Variants in SLC24A2 observed in about 807,000 individuals in gnomAD.
SLC24A2 encodes sodium/potassium/calcium exchanger 2.
SLC24A2 carries 36 observed loss-of-function variants against 62.0 expected under a neutral mutation model. That is an observed-to-expected ratio of 0.58 (90% confidence interval 0.44 to 0.77). SLC24A2 has a LOEUF of 0.77. SLC24A2 is among the 30% of genes least tolerant of loss of function. The probability of loss-of-function intolerance (pLI) is 0.00; values close to 1 mark genes in which losing one functional copy is unlikely to be tolerated. For missense variants in SLC24A2, 846 were observed against 817.9 expected (o/e 1.03, Z -0.42); for synonymous variants, 358 against 294.0 (o/e 1.22, Z -2.23).
intron 8 of SLC24A2, among the ~76,000 whole-genome samples, chr9:19,546,253 A>T (rs1428630692): frequency 1.3e-5 from 2 of 152,344 alleles, no homozygotes. Context: ...CAGAGCCAGT[A>T]GGCAGGGACG....
chr9:19,697,088 C>T (rs1025553149), intron 2 of SLC24A2, among the ~76,000 whole-genome samples: 7 of 151,822 alleles, frequency 4.6e-5, no homozygotes, highest in African/African-American at 1.7e-4. Context: ...AGTTATGATC[C>T]ACAATAACAA....
At chr9:19,923,042 A>C in the SLC24A2 span, among the ~76,000 whole-genome samples, 2 of 151,030 alleles carry the variant, frequency 1.3e-5, no homozygotes, top group Non-Finnish European at 3.0e-5. Context: ...CAGTTTTTTA[A>C]AAAAAATGTT....
the SLC24A2 span, among the ~76,000 whole-genome samples, chr9:19,962,712 A>T: frequency 6.6e-6 from 1 of 152,120 alleles, no homozygotes; most frequent in Admixed American, 6.5e-5. Flanking sequence ...TTGATTTTGA[A>T]CCTGAGACTT....
intron 2 of SLC24A2, among the ~76,000 whole-genome samples, chr9:19,726,360 T>C (rs1381808784): frequency 6.6e-6 from 1 of 152,238 alleles, no homozygotes; most frequent in African/African-American, 2.4e-5. Context: ...TCTAGTTCTA[T>C]ATTTTCGTGT....
intron 5 of SLC24A2, among the ~76,000 whole-genome samples, chr9:19,579,899 T>C (rs1280882458): frequency 6.6e-6 from 1 of 152,178 alleles, no homozygotes; most frequent in Non-Finnish European, 1.5e-5. Flanking sequence ...AGAATAGTGT[T>C]GGCCACTGGC....
chr9:20,228,575 G>A, the SLC24A2 span, among the ~76,000 whole-genome samples: 4 of 152,124 alleles, frequency 2.6e-5, no homozygotes, highest in African/African-American at 9.7e-5. Context: ...TAGGGTGGGT[G>A]CATTGGAGTG....
At chr9:20,032,300 A>C in the SLC24A2 span, among the ~76,000 whole-genome samples, 1 of 152,196 alleles carries the variant, frequency 6.6e-6, no homozygotes, top group Non-Finnish European at 1.5e-5. Flanking sequence ...AACAGAGGAG[A>C]GCTCTCTTGT....
chr9:19,792,587 A>C (rs1054717268), upstream of SLC24A2, among the ~76,000 whole-genome samples: 1 of 151,496 alleles, frequency 6.6e-6, no homozygotes, highest in Admixed American at 6.6e-5. Context: ...AGGTGCCTGT[A>C]ATCCCAGCTA....
At chr9:19,528,478 A>C (rs1833538586) in intron 8 of SLC24A2, among the ~76,000 whole-genome samples, 1 of 151,994 alleles carries the variant, frequency 6.6e-6, no homozygotes, top group Non-Finnish European at 1.5e-5. Context: ...CAATATTAAC[A>C]CCATATTCTC....
At chr9:19,660,149 T>G (rs1587112751) in intron 2 of SLC24A2, among the ~76,000 whole-genome samples, 1 of 152,194 alleles carries the variant, frequency 6.6e-6, no homozygotes, top group South Asian at 2.1e-4. Flanking sequence ...GCTCAGTGCC[T>G]GTGTCTCTAC....
chr9:19,789,075 C>CCCGGCCCCCG (rs1320691060), upstream of SLC24A2, among the ~76,000 whole-genome samples: 12 of 152,168 alleles, frequency 7.9e-5, no homozygotes, highest in Non-Finnish European at 1.8e-4. Flanking sequence ...TCTGGCGCTG[C>CCCGGCCCCCG]CCGGCCCCCG....
rs115000068 is a variant in SLC24A2, at chr9:19,625,561, A to G, written c.931-3262T>C. On this transcript the variant is annotated intron_variant, in intron 2 of 10. Transcript: ENST00000341998. ...ATTCTGTAATTCAAACCTTTATTCA[A>G]TTAAACTGGCCCCCTTCTCAATGAC... Among the ~76,000 whole-genome samples the G allele has an allele frequency of 3.4e-3, 515 of 152,288 alleles. 6 individuals carry two copies. The highest frequency in any genetic ancestry group is 0.012 in the African/African-American group (497 of 41,556).
At chr9:20,115,033 G>T in the SLC24A2 span, among the ~76,000 whole-genome samples, 3 of 152,242 alleles carry the variant, frequency 2.0e-5, no homozygotes, top group East Asian at 5.8e-4. Flanking sequence ...AGAGGAAAAT[G>T]GGGGTTGTGG....
At chr9:20,056,921 T>G in the SLC24A2 span, among the ~76,000 whole-genome samples, 2 of 152,262 alleles carry the variant, frequency 1.3e-5, no homozygotes, top group African/African-American at 4.8e-5. Flanking sequence ...ATTCTCTCAA[T>G]CATTTTAAAT....
chr9:19,557,817 T>C (rs1429597256), intron 7 of SLC24A2, among the ~76,000 whole-genome samples: 2 of 150,804 alleles, frequency 1.3e-5, no homozygotes, highest in Non-Finnish European at 3.0e-5. Context: ...CACATTTCTT[T>C]TTTTTTTTTT....
the SLC24A2 span, among the ~76,000 whole-genome samples, chr9:19,803,281 T>A: frequency 6.6e-6 from 1 of 152,230 alleles, no homozygotes; most frequent in East Asian, 1.9e-4. Flanking sequence ...CAAAGCTTCA[T>A]CTGCTCTATA....
chr9:19,637,959 T>C (rs1468020458), intron 2 of SLC24A2, among the ~76,000 whole-genome samples: 1 of 152,214 alleles, frequency 6.6e-6, no homozygotes, highest in Non-Finnish European at 1.5e-5. Flanking sequence ...CTAGCTTCTG[T>C]TGAAAAATGT....
chr9:19,828,419 AC>A, the SLC24A2 span, among the ~76,000 whole-genome samples: 2 of 152,214 alleles, frequency 1.3e-5, no homozygotes, highest in Non-Finnish European at 2.9e-5. Flanking sequence ...ACTATTTATT[AC>A]CCATACAACT....
At chr9:19,595,039 A>G (rs901351322) in intron 5 of SLC24A2, among the ~76,000 whole-genome samples, 2 of 152,240 alleles carry the variant, frequency 1.3e-5, no homozygotes, top group Admixed American at 6.5e-5. Flanking sequence ...TAGAAAATTT[A>G]AAAATCTTTC....
Sources: allele counts gnomAD v4.1 joint callset (sites outside exome capture counted in the v4.1 genomes callset), GRCh38; gene constraint gnomAD v4.1.1; transcripts MANE v1.5; gene names NCBI Gene and HGNC (gene_info 2026-07-23, HGNC 2026-07-21).